UBXN2B: variants seen among roughly 807,000 people sequenced by gnomAD.
The protein encoded by UBXN2B is UBX domain-containing protein 2B.
UBXN2B carries 19 observed loss-of-function variants against 37.5 expected under a neutral mutation model. The observed-to-expected ratio is 0.51, with a 90% confidence interval of 0.35 to 0.74. The LOEUF (loss-of-function observed/expected upper bound fraction) is 0.74. Among genes scored for constraint, UBXN2B ranks in the 30% least tolerant of loss-of-function variants. The pLI, the probability that UBXN2B is intolerant of heterozygous loss-of-function variation, is 0.01. For missense variants in UBXN2B, 370 were observed against 393.2 expected (o/e 0.94, Z 0.50); for synonymous variants, 145 against 143.8 (o/e 1.01, Z -0.06).
chr8:58,447,917 G>T lies in UBXN2B; in HGVS notation c.*366G>T. 6.2e-6 allele frequency: 1 copy of T among 160,004 alleles called. No individual in the cohort carries two copies. Among genetic ancestry groups the T allele is most frequent in the Non-Finnish European group, 1.4e-5 (1 of 73,292 alleles). The allele number at this position is 160,004 out of a possible 1,614,324, so 9.9% of individuals were successfully genotyped here. On this transcript the variant is annotated 3_prime_UTR_variant, in exon 8 of 8. Coordinates refer to ENST00000399598, the MANE Select transcript of UBXN2B (RefSeq NM_001077619.2). ...ATTTGCACTAAAGTTTCTTGATGCA[G>T]CATTGACCAACAGCCATTAAGAAAT...
chr8:58,441,717 A>G (rs1808555480), intron 6 of UBXN2B, among the ~76,000 whole-genome samples: 1 of 152,186 alleles, frequency 6.6e-6, no homozygotes, highest in Non-Finnish European at 1.5e-5. Context: ...AAGGCCAGTC[A>G]TTTTCCTTAT....
chr8:58,441,355 A>ATATATATATATATGTATGTG (rs1483284584), intron 6 of UBXN2B, among the ~76,000 whole-genome samples: 2 of 145,828 alleles, frequency 1.4e-5, no homozygotes, highest in African/African-American at 5.2e-5. Flanking sequence ...CAACATATAT[A>ATATATATATATATGTATGTG]TATATATATA....
At position 58,449,196 on chromosome 8, in the gene UBXN2B, T is replaced by C. The variant is rs1372637117; in HGVS notation, c.*1645T>C. Reference sequence around the variant, plus strand: ...CTTGTCTTGAAATCCATAGTAACCTTAATTACATCTGCAAAATCTCTTTTA... The same window carrying C: ...CTTGTCTTGAAATCCATAGTAACCTCAATTACATCTGCAAAATCTCTTTTA... On this transcript the variant is annotated 3_prime_UTR_variant, in exon 8 of 8. Coordinates refer to ENST00000399598, the MANE Select transcript of UBXN2B (RefSeq NM_001077619.2). 2 of 152,174 alleles carry C rather than the reference T, an allele frequency of 1.3e-5. No individual in the cohort carries two copies. The highest frequency in any genetic ancestry group is 4.8e-5 in the African/African-American group (2 of 41,436). The allele number at this position is 152,174 out of a possible 1,614,324, so 9.4% of individuals were successfully genotyped here. A position where few individuals can be genotyped will look rare whatever the true frequency, so the allele number is the denominator to read the frequency against.
chr8:58,425,648 T>C (rs1225229614), intron 2 of UBXN2B: 3 of 1,136,416 alleles, frequency 2.6e-6, no homozygotes, highest in African/African-American at 1.5e-5. Flanking sequence ...TGTTTGACTT[T>C]ATTGTGGTCT....
At chr8:58,413,748 A>G (rs769039776) in intron 1 of UBXN2B, among the ~76,000 whole-genome samples, 2 of 152,106 alleles carry the variant, frequency 1.3e-5, no homozygotes, top group Non-Finnish European at 2.9e-5. Flanking sequence ...CCCAGGTTAC[A>G]AACTGCAGAC....
intron 2 of UBXN2B, chr8:58,426,784 C>G: frequency 1.6e-6 from 1 of 614,476 alleles, no homozygotes; most frequent in South Asian, 1.5e-5. Context: ...CCGCTCGGGA[C>G]CAGATGCGGG....
At chr8:58,416,063 AAAAC>A (rs1470724859) in intron 1 of UBXN2B, among the ~76,000 whole-genome samples, 16 of 151,168 alleles carry the variant, frequency 1.1e-4, no homozygotes, top group African/African-American at 2.4e-4. Flanking sequence ...TTTTTTGAAA[AAAAC>A]AAAAAAAAAA....
At chr8:58,435,109 T>G in intron 5 of UBXN2B, 1 of 1,414,866 alleles carries the variant, frequency 7.1e-7, no homozygotes, top group South Asian at 1.5e-5. Flanking sequence ...TTAAACTAGC[T>G]GAAAGTGGAG....
At chr8:58,434,011 AAAG>A (rs1260433703) in intron 4 of UBXN2B, among the ~76,000 whole-genome samples, 1 of 152,168 alleles carries the variant, frequency 6.6e-6, no homozygotes, top group Admixed American at 6.5e-5. Flanking sequence ...GCTCTGTAGC[AAAG>A]AAGAGTATGG....
intron 2 of UBXN2B, chr8:58,426,775 C>T (rs1210784917): frequency 1.3e-5 from 8 of 620,846 alleles, no homozygotes; most frequent in African/African-American, 7.2e-5. Context: ...GAGGGAGGCC[C>T]GCTCGGGACC....
intron 2 of UBXN2B, 66 bp from the exon 3 acceptor site, chr8:58,430,453 G>A (rs1808244117): frequency 8.6e-7 from 1 of 1,161,962 alleles, no homozygotes; most frequent in Admixed American, 2.9e-5. Context: ...ATAAGACTAT[G>A]TAGCTTTTTA....
At position 58,433,253 on chromosome 8, in the gene UBXN2B, A is replaced by G. The variant is rs1045535500; in HGVS notation, c.423+10A>G. On this transcript the variant is annotated intron_variant, in intron 4 of 7. Coordinates refer to ENST00000399598, the MANE Select transcript of UBXN2B (RefSeq NM_001077619.2). ...AAATCAGCTGCAAGATGTAGGTACA[A>G]TAATCAAAATGAAAAAGTATAAATA... 1 of 1,588,210 alleles carries G rather than the reference A, an allele frequency of 6.3e-7. No homozygotes were observed.
At chr8:58,437,072 A>G (rs1415183916) in intron 5 of UBXN2B, among the ~76,000 whole-genome samples, 6 of 152,150 alleles carry the variant, frequency 3.9e-5, no homozygotes, top group African/African-American at 7.2e-5. Context: ...AGGAAGACAA[A>G]GGAAAATTTG....
chr8:58,440,383 C>T (rs908901911), intron 6 of UBXN2B, among the ~76,000 whole-genome samples: 2 of 152,270 alleles, frequency 1.3e-5, no homozygotes, highest in East Asian at 3.9e-4. Context: ...ACAGCCAAAC[C>T]CTTTTTTCAA....
At chr8:58,413,654 T>C (rs1563454505) in intron 1 of UBXN2B, among the ~76,000 whole-genome samples, 1 of 152,122 alleles carries the variant, frequency 6.6e-6, no homozygotes, top group Non-Finnish European at 1.5e-5. Flanking sequence ...TTTGTCAGCA[T>C]CTGAATCAGG....
At chr8:58,425,817 C>T (rs1375518194) in intron 2 of UBXN2B, 1 of 1,171,504 alleles carries the variant, frequency 8.5e-7, no homozygotes, top group Non-Finnish European at 1.3e-6. Flanking sequence ...TACCGTTCTC[C>T]TCCACCAACA....
At position 58,449,660 on chromosome 8, in the gene UBXN2B, C is replaced by G. The variant is rs954444423; in HGVS notation, c.*2109C>G. ...GGAAAAAGGAGCCATCAGCACCAAT[C>G]AATTTACAAAACCAGCGAGGCACCC... On this transcript the variant is annotated 3_prime_UTR_variant, in exon 8 of 8. Transcript: ENST00000399598. 6.9e-4 allele frequency: 105 copies of G among 152,240 alleles called. No individual in the cohort carries two copies. Among genetic ancestry groups the G allele is most frequent in the African/African-American group, 2.4e-3 (100 of 41,436 alleles). 9.4% of individuals were successfully genotyped at this position (152,240 alleles called of 1,614,324 possible). A position where few individuals can be genotyped will look rare whatever the true frequency, so the allele number is the denominator to read the frequency against.
intron 3 of UBXN2B, among the ~76,000 whole-genome samples, chr8:58,430,888 A>G (rs1585608337): frequency 6.6e-6 from 1 of 152,234 alleles, no homozygotes; most frequent in Non-Finnish European, 1.5e-5. Context: ...TTACAAAATA[A>G]TTAGTAGAGT....
At position 58,437,318 on chromosome 8, in the gene UBXN2B, C is replaced by CTTTTT. The variant is rs773987509; in HGVS notation, c.534-2292_534-2288dup. ...CTAGGGTACCTGGTGGAAGAAATTTCTTTTTTTTTTTTTTTTTTTTTTTTT... is the reference window on the plus strand; with the variant it reads ...CTAGGGTACCTGGTGGAAGAAATTTCTTTTTTTTTTTTTTTTTTTTTTTTTTTTTT... On this transcript the variant is annotated intron_variant, in intron 5 of 7. Transcript: ENST00000399598. 1.3e-3 allele frequency among the ~76,000 whole-genome samples: 93 copies of CTTTTT among 74,254 alleles called. 11 individuals are homozygous for CTTTTT. The highest frequency in any genetic ancestry group is 4.5e-3 in the African/African-American group (80 of 17,854). The allele number at this position is 74,254 out of a possible 152,430, so 48.7% of individuals were successfully genotyped here. A position where few individuals can be genotyped will look rare whatever the true frequency, so the allele number is the denominator to read the frequency against.
Sources: gnomAD v4.1 joint callset for allele counts (sites outside exome capture counted in the v4.1 genomes callset) on GRCh38, gnomAD v4.1.1 for gene constraint, MANE v1.5 for transcripts, NCBI Gene and HGNC (gene_info 2026-07-23, HGNC 2026-07-21) for gene names.